GCC2: variants seen among roughly 807,000 people sequenced by gnomAD.
GCC2 encodes GRIP and coiled-coil domain containing 2, also known as GRIP and coiled-coil domain-containing protein 2.
GCC2 carries 120 observed loss-of-function variants against 210.6 expected under a neutral mutation model. That is an observed-to-expected ratio of 0.57 (90% CI 0.49 to 0.66). The LOEUF is 0.66. Among genes scored for constraint, GCC2 ranks in the 30% least tolerant of loss-of-function variants. GCC2 has a pLI of 0.00. For missense variants in GCC2, 1,868 were observed against 1,871.9 expected (o/e 1.00, Z 0.04); for synonymous variants, 703 against 652.7 (o/e 1.08, Z -1.17).
intron 18 of GCC2, among the ~76,000 whole-genome samples, chr2:108,490,381 A>C (rs566968138): frequency 9.8e-5 from 15 of 152,354 alleles, no homozygotes; most frequent in African/African-American, 3.6e-4. Context: ...CTGAAAAAGA[A>C]TATGCAAGTT....
chr2:108,492,019 T>A (rs765583911), intron 18 of GCC2, among the ~76,000 whole-genome samples: 2 of 152,084 alleles, frequency 1.3e-5, no homozygotes, highest in African/African-American at 2.4e-5. Flanking sequence ...GTGATTCTCA[T>A]GTGCAGTGAG....
At position 108,485,072 on chromosome 2, in the gene GCC2, C is replaced by CA. The variant is rs1212239059; in HGVS notation, c.3614-558dup. Among the ~76,000 whole-genome samples, 7 of 149,910 alleles carry CA rather than the reference C, an allele frequency of 4.7e-5. No homozygotes were observed. In the East Asian group the frequency reaches 1.4e-3, roughly 30 times the overall value. On this transcript the variant is annotated intron_variant, in intron 13 of 22. Transcript: ENST00000309863. ...CATTCTCAGTAAACTATCTCAAGAACAAAAAACCAAACACTGCATATTCTC... is the reference window on the plus strand; with the variant it reads ...CATTCTCAGTAAACTATCTCAAGAACAAAAAAACCAAACACTGCATATTCTC...
At chr2:108,463,717 G>A (rs1421966020) in intron 4 of GCC2, among the ~76,000 whole-genome samples, 1 of 152,158 alleles carries the variant, frequency 6.6e-6, no homozygotes, top group African/African-American at 2.4e-5. Context: ...AGTGGGCCAG[G>A]CTGTTGGGTG....
At position 108,471,648 on chromosome 2, in the gene GCC2, C is replaced by CCAA. The variant is rs1419002672; in HGVS notation, c.2319_2320insCAA (p.Asp773_Ser774insGln). Reference sequence around the variant, plus strand: ...AAATGGGATCAGAAGTTTCAGAAGACAGTGAAGAGAAAGATGTTGTTAATG... The same window carrying CCAA: ...AAATGGGATCAGAAGTTTCAGAAGACCAAAGTGAAGAGAAAGATGTTGTTAATG... On this transcript the variant is annotated inframe_insertion, in exon 6 of 23. Transcript: ENST00000309863. 2.5e-6 allele frequency: 4 copies of CCAA among 1,613,106 alleles called. No homozygotes were observed. The African/African-American group carries it at 5.3e-5, about 22-fold the overall frequency.
chr2:108,491,443 G>A (rs1682401126), intron 18 of GCC2, among the ~76,000 whole-genome samples: 1 of 152,100 alleles, frequency 6.6e-6, no homozygotes, highest in South Asian at 2.1e-4. Context: ...GTATACACTA[G>A]TATTTTCTAG....
intron 4 of GCC2, among the ~76,000 whole-genome samples, chr2:108,452,691 CTTTTTTTTT>C (rs34444254): frequency 3.0e-5 from 3 of 99,438 alleles, no homozygotes; most frequent in Non-Finnish European, 5.8e-5. Flanking sequence ...TTTTTTCTTT[CTTTTTTTTT>C]TTTTTTTTTT....
intron 12 of GCC2, 66 bp from the exon 13 acceptor site, chr2:108,484,083 G>A: frequency 4.8e-6 from 5 of 1,046,130 alleles, no homozygotes; most frequent in African/African-American, 1.7e-5. Context: ...TTTTACAAAT[G>A]AAAAAAAAAA....
At chr2:108,502,657 C>T (rs934952831) in intron 22 of GCC2, among the ~76,000 whole-genome samples, 2 of 151,916 alleles carry the variant, frequency 1.3e-5, no homozygotes, top group Non-Finnish European at 2.9e-5. Context: ...AGGCCTGGCA[C>T]GGTGGCTCAC....
chr2:108,468,067 CTTTTTTTTTTTT>C (rs2104442505), intron 4 of GCC2, among the ~76,000 whole-genome samples: 1 of 144,734 alleles, frequency 6.9e-6, no homozygotes, highest in Admixed American at 6.9e-5. Context: ...TTTTCTTTTT[CTTTTTTTTTTTT>C]GACACATAGT....
intron 22 of GCC2, among the ~76,000 whole-genome samples, chr2:108,502,862 G>T (rs1162760033): frequency 2.6e-5 from 4 of 151,186 alleles, no homozygotes; most frequent in Non-Finnish European, 5.9e-5. Flanking sequence ...GGCAGAGGTT[G>T]CAGTGAGCTG....
At chr2:108,482,687 AT>A (rs1681921954) in intron 11 of GCC2, among the ~76,000 whole-genome samples, 2 of 151,948 alleles carry the variant, frequency 1.3e-5, no homozygotes, top group South Asian at 4.1e-4. Flanking sequence ...ATTTTATTTT[AT>A]TTTTTTGAGA....
intron 4 of GCC2, among the ~76,000 whole-genome samples, chr2:108,466,925 A>G (rs1558736320): frequency 6.6e-6 from 1 of 152,152 alleles, no homozygotes. Context: ...CATTAACCTA[A>G]TATTATGGTT....
Position 108,483,134 on chromosome 2 carries a change from A to G in GCC2, c.3418A>G (p.Lys1140Glu), listed in dbSNP as rs1414857869. ...TCAAAAGCAAAAGAAACAGCTTCAG[A>G]AAACCATGCAAGAATTAGAGCTGGT... is the stretch of plus-strand genomic sequence containing the variant. ...QLQKQKKQLQ[K>E]TMQELELVKK... is the part of the protein sequence containing the mutation. The change falls in exon 12 of 23, where the codon AAA (lysine) becomes GAA (glutamate). Residue 1140 changes from lysine to glutamate, a missense_variant. By Grantham distance (56) the Lys-to-Glu change is moderately conservative. Around this residue, in one of 3 missense-constraint regions of GCC2, gnomAD observed 1,847 missense variants for 1,765.2 expected, o/e 1.05. Transcript: ENST00000309863. 3.8e-6 allele frequency: 6 copies of G among 1,568,824 alleles called. No individual in the cohort carries two copies. Among genetic ancestry groups the G allele is most frequent in the African/African-American group, 1.4e-5 (1 of 73,970 alleles).
rs376388769 is a variant in GCC2, at chr2:108,453,787, A to G, written c.216+1321A>G. ...GCAACACAGCAAGACTCCGTTTTTA[A>G]AAAAAAAAAAAAAAACACAAAAAAT... is the stretch of plus-strand genomic sequence containing the variant. On this transcript the variant is annotated intron_variant, in intron 4 of 22. Transcript: ENST00000309863. Among the ~76,000 whole-genome samples, 10 of 28,284 alleles carry G rather than the reference A, an allele frequency of 3.5e-4. No homozygotes were observed. The Admixed American group carries it at 4.2e-3, about 12-fold the overall frequency. 18.6% of individuals were successfully genotyped at this position (28,284 alleles called of 152,430 possible). A position where few individuals can be genotyped will look rare whatever the true frequency, so the allele number is the denominator to read the frequency against.
intron 4 of GCC2, 88 bp downstream of exon 4, chr2:108,452,554 C>G: frequency 1.3e-6 from 1 of 782,714 alleles, no homozygotes; most frequent in South Asian, 1.5e-5. Flanking sequence ...CTTTCTGTTT[C>G]TGTTCTACTT....
chr2:108,497,191 A>G, intron 21 of GCC2, 82 bp downstream of exon 21: 1 of 1,603,694 alleles, frequency 6.2e-7, no homozygotes, highest in Non-Finnish European at 8.5e-7. Flanking sequence ...ATCTCAGCTC[A>G]CTGCAAGCTC....
rs1316857514 is a variant in GCC2 at position 108,470,482 on chromosome 2, T to C, written c.1153T>C (p.Phe385Leu). ...TTTTCATGAACGGGAAGACTTAGAG[T>C]TTAAAATTAATGAATTATTACTAGC... ...EFFHEREDLEFKINELLLAKE... is the reference protein window; with the variant it reads ...EFFHEREDLELKINELLLAKE... The change falls in exon 6 of 23, where the codon TTT (phenylalanine) becomes CTT (leucine). Residue 385 changes from phenylalanine (F) to leucine (L), a missense_variant. Coordinates refer to ENST00000309863, the MANE Select transcript of GCC2 (RefSeq NM_181453.4). The C allele has an allele frequency of 6.2e-7, 1 of 1,609,106 alleles. No individual in the cohort carries two copies. The highest frequency in any genetic ancestry group is 8.5e-7 in the Non-Finnish European group (1 of 1,176,508).
In GCC2 at chr2:108,487,745, G is replaced by A. The variant is rs1431185464; in HGVS notation, c.3977G>A (p.Arg1326Gln). The A allele has an allele frequency of 1.2e-5, 19 of 1,613,098 alleles. No individual in the cohort carries two copies. Among genetic ancestry groups the A allele is most frequent in the East Asian group, 4.5e-5 (2 of 44,842 alleles). ...VTSEFESYKVRVHNVLKQQKN... is the reference protein window; with the variant it reads ...VTSEFESYKVQVHNVLKQQKN... ...TCTGAATTCGAGAGCTACAAAGTCC[G>A]AGTTCATAATGTTCTAAAACAACAG... Residue 1326 changes from arginine to glutamine, a missense_variant, in exon 17 of 23, where the codon CGA (arginine) becomes CAA (glutamine). By Grantham distance (43) the Arg-to-Gln change is conservative. Coordinates refer to ENST00000309863, the MANE Select transcript of GCC2 (RefSeq NM_181453.4).
intron 18 of GCC2, among the ~76,000 whole-genome samples, chr2:108,490,816 A>G (rs1209408580): frequency 6.6e-6 from 1 of 152,174 alleles, no homozygotes; most frequent in African/African-American, 2.4e-5. Flanking sequence ...ATATTCTCCA[A>G]CACTTATTCT....
Sources: allele counts gnomAD v4.1 joint callset (sites outside exome capture counted in the v4.1 genomes callset), GRCh38; gene constraint gnomAD v4.1.1; regional missense constraint gnomAD v4.1.1; transcripts MANE v1.5; gene names NCBI Gene and HGNC (gene_info 2026-07-23, HGNC 2026-07-21).